CLHC1: variants seen among roughly 807,000 people sequenced by gnomAD.
CLHC1 encodes clathrin heavy chain linker domain-containing protein 1.
A neutral mutation model predicts 69.5 loss-of-function variants in CLHC1; 72 were observed. The observed-to-expected ratio is 1.04, with a 90% CI of 0.86 to 1.26. CLHC1 has a LOEUF of 1.26. Ranked by LOEUF, CLHC1 falls within the 50% of genes most tolerant of loss-of-function variation. The pLI is 0.00. For missense variants in CLHC1, 790 were observed against 679.3 expected (o/e 1.16, Z -1.81); for synonymous variants, 223 against 224.3 (o/e 0.99, Z 0.05).
chr2:55,182,629 G>A (rs1359926912), intron 9 of CLHC1, among the ~76,000 whole-genome samples: 1 of 152,122 alleles, frequency 6.6e-6, no homozygotes, highest in Non-Finnish European at 1.5e-5. Context: ...TGGATGTCTT[G>A]GAATTTAGAG....
chr2:55,186,762 G>T (rs554248756), intron 9 of CLHC1, among the ~76,000 whole-genome samples: 1 of 152,066 alleles, frequency 6.6e-6, no homozygotes, highest in Admixed American at 6.6e-5. Flanking sequence ...ATGACAGAGT[G>T]AGACCCTGTC....
chr2:55,229,005 G>A (rs186980128), intron 1 of CLHC1, among the ~76,000 whole-genome samples: 3 of 152,126 alleles, frequency 2.0e-5, no homozygotes, highest in African/African-American at 4.8e-5. Context: ...ATAAAAATTA[G>A]CTGGGCGCAG....
intron 11 of CLHC1, among the ~76,000 whole-genome samples, chr2:55,179,881 G>A (rs968543407): frequency 6.6e-6 from 1 of 152,210 alleles, no homozygotes; most frequent in Non-Finnish European, 1.5e-5. Context: ...CAGGCTGGGT[G>A]CGGTGGCTCA....
chr2:55,205,485 C>G (rs1672355240), intron 9 of CLHC1, among the ~76,000 whole-genome samples: 1 of 151,846 alleles, frequency 6.6e-6, no homozygotes, highest in African/African-American at 2.4e-5. Flanking sequence ...ACGCCATTAT[C>G]CTAAGTAAAA....
chr2:55,214,750 A>G (rs1405867851), intron 4 of CLHC1: 1 of 152,246 alleles, frequency 6.6e-6, no homozygotes, highest in East Asian at 1.9e-4. Context: ...ATACTTGTAT[A>G]TGAATTTTCA....
At chr2:55,225,806 T>C (rs946943162) in intron 2 of CLHC1, 13 of 152,280 alleles carry the variant, frequency 8.5e-5, no homozygotes, top group Non-Finnish European at 1.8e-4. Flanking sequence ...CTGTGAGCTC[T>C]GGAATGTCTG....
At chr2:55,231,365 G>A (rs996688149) in intron 1 of CLHC1, among the ~76,000 whole-genome samples, 2 of 152,096 alleles carry the variant, frequency 1.3e-5, no homozygotes, top group African/African-American at 4.8e-5. Flanking sequence ...CTAAAATGTA[G>A]AGTAATGGGT....
rs1669284374 is a variant in CLHC1, at chr2:55,175,295, TG to T, written c.*494del. On this transcript the variant is annotated 3_prime_UTR_variant, in exon 13 of 13. Transcript: ENST00000401408. ...TGCCATATTTATATATATCAAAGCA[TG>T]GGGCGCATCTTTAAATCAGCAGTAC... 1 of 153,184 alleles carries T rather than the reference TG, an allele frequency of 6.5e-6. No homozygotes were observed. The highest frequency in any genetic ancestry group is 6.5e-5 in the Admixed American group (1 of 15,440). 9.5% of individuals were successfully genotyped at this position (153,184 alleles called of 1,614,324 possible).
At chr2:55,223,449 G>C (rs1041056524) in intron 2 of CLHC1, among the ~76,000 whole-genome samples, 1 of 152,096 alleles carries the variant, frequency 6.6e-6, no homozygotes, top group Non-Finnish European at 1.5e-5. Context: ...AGCGCGCTGT[G>C]GGCCGGCCCC....
At chr2:55,229,742 G>T (rs1206919508) in intron 1 of CLHC1, among the ~76,000 whole-genome samples, 2 of 152,222 alleles carry the variant, frequency 1.3e-5, no homozygotes, top group Admixed American at 1.3e-4. Context: ...TTAGAGGCCT[G>T]TGTGCAGAAG....
At chr2:55,203,908 C>T (rs1230654052) in intron 9 of CLHC1, among the ~76,000 whole-genome samples, 1 of 152,108 alleles carries the variant, frequency 6.6e-6, no homozygotes, top group African/African-American at 2.4e-5. Context: ...GCAAACTACC[C>T]ACCTAACAAG....
rs1675039794 is a variant in CLHC1 at position 55,229,349 on chromosome 2, A to C, written c.-255-1145T>G. Among the ~76,000 whole-genome samples the C allele has an allele frequency of 2.0e-5, 3 of 152,148 alleles. No individual in the cohort carries two copies. In the South Asian group the frequency reaches 6.2e-4, roughly 31 times the overall value. On this transcript the variant is annotated intron_variant, in intron 1 of 12. Coordinates refer to ENST00000401408, the MANE Select transcript of CLHC1 (RefSeq NM_152385.4). ...GCTTACTGATAAGGTGACATTTCAG[A>C]AATCTGAAAATAGCAGGTCATGTAG...
intron 4 of CLHC1, among the ~76,000 whole-genome samples, chr2:55,215,498 C>G (rs1411948188): frequency 6.6e-6 from 1 of 152,190 alleles, no homozygotes; most frequent in Non-Finnish European, 1.5e-5. Context: ...ACCACAACCA[C>G]TATTTAATTC....
intron 9 of CLHC1, among the ~76,000 whole-genome samples, chr2:55,188,409 A>T (rs1181329678): frequency 6.6e-6 from 1 of 152,230 alleles, no homozygotes; most frequent in Admixed American, 6.5e-5. Context: ...ATAAATTTAC[A>T]TGACCACAAG....
intron 9 of CLHC1, among the ~76,000 whole-genome samples, chr2:55,193,379 T>A (rs919715852): frequency 1.3e-5 from 2 of 151,694 alleles, no homozygotes; most frequent in African/African-American, 2.4e-5. Context: ...GGGAAAAAAA[T>A]ATTTGCAAAT....
intron 11 of CLHC1, among the ~76,000 whole-genome samples, chr2:55,180,051 G>C (rs1669770461): frequency 1.3e-5 from 2 of 152,006 alleles, no homozygotes; most frequent in South Asian, 4.2e-4. Flanking sequence ...CTACTTGGGA[G>C]GCTGAGGCAG....
At chr2:55,190,051 C>CTT (rs566099094) in intron 9 of CLHC1, among the ~76,000 whole-genome samples, 1 of 147,036 alleles carries the variant, frequency 6.8e-6, no homozygotes, top group Admixed American at 6.8e-5. Flanking sequence ...AGGTAAAATT[C>CTT]TTTTTTTTTT....
chr2:55,229,465 C>T (rs1156905724), intron 1 of CLHC1, among the ~76,000 whole-genome samples: 1 of 151,932 alleles, frequency 6.6e-6, no homozygotes, highest in Admixed American at 6.6e-5. Context: ...GCTAGAGGGC[C>T]CGTGGGGCTA....
chr2:55,194,588 A>G (rs1227616405), intron 9 of CLHC1, among the ~76,000 whole-genome samples: 2 of 152,156 alleles, frequency 1.3e-5, no homozygotes, highest in Non-Finnish European at 2.9e-5. Context: ...CAGATTTGAA[A>G]AAAAGTAAAA....
Sources: gnomAD v4.1 joint callset for allele counts (sites outside exome capture counted in the v4.1 genomes callset) on GRCh38, gnomAD v4.1.1 for gene constraint, MANE v1.5 for transcripts, NCBI Gene and HGNC (gene_info 2026-07-23, HGNC 2026-07-21) for gene names.